The following LINGO2 variants were observed in gnomAD, a reference collection of about 807,000 sequenced individuals.
The protein encoded by LINGO2 is leucine rich repeat and Ig domain containing 2, also known as leucine-rich repeat and immunoglobulin-like domain-containing nogo receptor-interacting protein 2.
In LINGO2, 14 loss-of-function variants were observed where a neutral mutation model predicts 30.6. The ratio of observed to expected loss-of-function variants is 0.46; its 90% CI spans 0.30 to 0.72. LINGO2 has a LOEUF of 0.72. Among genes scored for constraint, LINGO2 ranks in the 30% least tolerant of loss-of-function variants. The pLI is 0.07. For synonymous variants in LINGO2, 317 were observed against 288.5 expected (o/e 1.10, Z -1.00); for missense variants, 729 against 751.7 (o/e 0.97, Z 0.35).
At chr9:28,765,457 G>A in the LINGO2 span, among the ~76,000 whole-genome samples, 1 of 151,972 alleles carries the variant, frequency 6.6e-6, no homozygotes, top group Admixed American at 6.5e-5. Flanking sequence ...GGGAAGGTGG[G>A]GCCTAGTGAG....
chr9:29,022,397 T>C, the LINGO2 span, among the ~76,000 whole-genome samples: 4 of 152,146 alleles, frequency 2.6e-5, no homozygotes, highest in African/African-American at 9.7e-5. Context: ...ATTATGCCCA[T>C]ACAATTATTC....
intron 4 of LINGO2, among the ~76,000 whole-genome samples, chr9:28,173,176 A>G (rs1434237041): frequency 6.6e-6 from 1 of 152,212 alleles, no homozygotes; most frequent in African/African-American, 2.4e-5. Flanking sequence ...ATGCTTTAGG[A>G]CATACTGAAG....
At chr9:28,493,795 G>A (rs528895778) in intron 1 of LINGO2, among the ~76,000 whole-genome samples, 4 of 152,172 alleles carry the variant, frequency 2.6e-5, no homozygotes, top group South Asian at 4.1e-4. Flanking sequence ...CTGCCAGCAC[G>A]GTCAGAATAA....
At chr9:29,061,390 G>T in the LINGO2 span, among the ~76,000 whole-genome samples, 2 of 151,708 alleles carry the variant, frequency 1.3e-5, no homozygotes, top group African/African-American at 4.8e-5. Flanking sequence ...AAACATTTTT[G>T]AAAAAGAAAG....
At chr9:28,457,793 G>C (rs760366158) in intron 2 of LINGO2, among the ~76,000 whole-genome samples, 1 of 152,040 alleles carries the variant, frequency 6.6e-6, no homozygotes. Flanking sequence ...GAGAATGAGA[G>C]CAACATTGTA....
chr9:28,522,139 A>T lies in LINGO2; in HGVS notation c.-364-46114T>A, dbSNP rs118178353. 7.6e-3 allele frequency among the ~76,000 whole-genome samples: 1,156 copies of T among 152,332 alleles called. 8 individuals are homozygous for T. Among genetic ancestry groups the T allele is most frequent in the Non-Finnish European group, 0.013 (874 of 68,022 alleles). ...AGACAAGCAAAACTTCTATGACAAT[A>T]AGACCAGAAAAGAAGAGGGGAGTGC... On this transcript the variant is annotated intron_variant, in intron 1 of 5. Coordinates refer to ENST00000379992, the Ensembl canonical transcript of LINGO2.
intron 3 of LINGO2, among the ~76,000 whole-genome samples, chr9:28,325,989 A>T (rs1825214719): frequency 6.6e-6 from 1 of 152,088 alleles, no homozygotes; most frequent in South Asian, 2.1e-4. Flanking sequence ...TTCTTCTTTG[A>T]CAATTCATAC....
the LINGO2 span, among the ~76,000 whole-genome samples, chr9:29,202,123 A>G: frequency 6.6e-6 from 1 of 152,024 alleles, no homozygotes; most frequent in Non-Finnish European, 1.5e-5. Context: ...TAAATAAGAT[A>G]TAATTTTTGT....
chr9:28,797,321 C>CAT, the LINGO2 span, among the ~76,000 whole-genome samples: 1 of 78,564 alleles, frequency 1.3e-5, no homozygotes, highest in South Asian at 5.3e-4. Flanking sequence ...TATGTGATAT[C>CAT]ATATATACAT....
the LINGO2 span, among the ~76,000 whole-genome samples, chr9:29,040,766 A>G: frequency 6.6e-6 from 1 of 152,132 alleles, no homozygotes; most frequent in Non-Finnish European, 1.5e-5. Context: ...AAAGTCCTAA[A>G]ATATTCATAT....
chr9:28,466,051 G>C (rs2135144906), intron 2 of LINGO2, among the ~76,000 whole-genome samples: 1 of 151,770 alleles, frequency 6.6e-6, no homozygotes, highest in East Asian at 1.9e-4. Flanking sequence ...GAACAGTTCA[G>C]AGGTTTCAAA....
chr9:28,161,758 A>T, intron 4 of LINGO2, among the ~76,000 whole-genome samples: 1 of 152,072 alleles, frequency 6.6e-6, no homozygotes, highest in East Asian at 1.9e-4. Context: ...CTATGAGAAC[A>T]TTATCAAATC....
At chr9:27,988,219 T>C (rs1821220108) in intron 5 of LINGO2, among the ~76,000 whole-genome samples, 1 of 152,156 alleles carries the variant, frequency 6.6e-6, no homozygotes, top group Admixed American at 6.5e-5. Context: ...ATGGTGTATA[T>C]GTGCCACATT....
At chr9:28,744,702 T>A in the LINGO2 span, among the ~76,000 whole-genome samples, 1 of 150,098 alleles carries the variant, frequency 6.7e-6, no homozygotes, top group South Asian at 2.1e-4. Context: ...AGTGGAGTGA[T>A]CTTGGCTCAC....
At chr9:28,363,220 T>C (rs558117569) in intron 3 of LINGO2, among the ~76,000 whole-genome samples, 1 of 152,336 alleles carries the variant, frequency 6.6e-6, no homozygotes, top group East Asian at 1.9e-4. Context: ...AGATTGTTTG[T>C]CTCCAGAGCC....
the LINGO2 span, among the ~76,000 whole-genome samples, chr9:28,744,755 G>A: frequency 6.6e-6 from 1 of 151,032 alleles, no homozygotes; most frequent in South Asian, 2.1e-4. Context: ...TCCTGCCTTA[G>A]CATCCTGAGT....
intron 4 of LINGO2, among the ~76,000 whole-genome samples, chr9:28,293,160 C>G (rs1823797924): frequency 1.3e-5 from 2 of 152,006 alleles, no homozygotes; most frequent in Non-Finnish European, 2.9e-5. Flanking sequence ...TGCAGTAGTG[C>G]TATCATAGCT....
intron 4 of LINGO2, among the ~76,000 whole-genome samples, chr9:28,290,068 T>C (rs774706312): frequency 7.9e-5 from 12 of 152,180 alleles, no homozygotes; most frequent in Non-Finnish European, 1.6e-4. Flanking sequence ...CACTCTGTTA[T>C]TAACTCTCCA....
At chr9:28,975,629 A>G in the LINGO2 span, among the ~76,000 whole-genome samples, 1 of 152,216 alleles carries the variant, frequency 6.6e-6, no homozygotes, top group South Asian at 2.1e-4. Context: ...TTCATTATGC[A>G]GAATTATAAT....
Sources: allele counts gnomAD v4.1 joint callset (sites outside exome capture counted in the v4.1 genomes callset), GRCh38; gene constraint gnomAD v4.1.1; transcripts MANE v1.5; gene names NCBI Gene and HGNC (gene_info 2026-07-23, HGNC 2026-07-21).